Variants in SRSF9 observed in about 807,000 individuals in gnomAD.
The protein encoded by SRSF9 is serine/arginine-rich splicing factor 9.
SRSF9 carries 3 observed loss-of-function variants against 25.9 expected under a neutral mutation model. That is an observed-to-expected ratio of 0.12 (90% confidence interval 0.05 to 0.30). The LOEUF (loss-of-function observed/expected upper bound fraction) is 0.30. Ranked by LOEUF, SRSF9 falls within the 10% of genes least tolerant of loss-of-function variation. The pLI, the probability that SRSF9 is intolerant of heterozygous loss-of-function variation, is 1.00. For missense variants in SRSF9, 161 were observed against 303.5 expected (o/e 0.53, Z 3.49); for synonymous variants, 114 against 113.2 (o/e 1.01, Z -0.05).
intron 1 of SRSF9, 107 bp downstream of exon 1, chr12:120,469,315 C>CGG: frequency 1.6e-6 from 1 of 634,372 alleles, no homozygotes; most frequent in Non-Finnish European, 2.3e-6. Flanking sequence ...TGCGCGGAGG[C>CGG]GGGGGGAGGG....
At chr12:120,464,636 C>T (rs1169577706) in intron 2 of SRSF9, 2 of 152,962 alleles carry the variant, frequency 1.3e-5, no homozygotes, top group Non-Finnish European at 2.9e-5. Context: ...ACAAACTATA[C>T]AGAGTACCTC....
chr12:120,463,826 C>T (rs1449575345), intron 3 of SRSF9, 124 bp downstream of exon 3: 3 of 1,161,752 alleles, frequency 2.6e-6, no homozygotes, highest in Non-Finnish European at 3.6e-6. Flanking sequence ...CTTTGTCCAC[C>T]TAAGATAGAT....
intron 1 of SRSF9, 86 bp downstream of exon 1, chr12:120,469,336 G>A: frequency 1.1e-6 from 1 of 948,854 alleles, no homozygotes; most frequent in Admixed American, 3.1e-5. Context: ...GAGGCCGGGG[G>A]GAGGGGAGCC....
Position 120,462,008 on chromosome 12 carries a change from C to T in SRSF9, c.*11G>A, listed in dbSNP as rs781270406. ...ACCTAAAAAATAAAGAAAAAATTCC[C>T]ATCACCTGTCTCAGTAGGGCCTGAA... On this transcript the variant is annotated 3_prime_UTR_variant, in exon 4 of 4. Coordinates refer to ENST00000229390, the MANE Select transcript of SRSF9 (RefSeq NM_003769.3). The T allele has an allele frequency of 7.5e-6, 12 of 1,594,154 alleles. No homozygotes were observed. In the East Asian group the frequency reaches 1.4e-4, roughly 18 times the overall value.
intron 2 of SRSF9, chr12:120,464,345 A>C (rs185739337): frequency 1.7e-4 from 78 of 456,458 alleles, no homozygotes; most frequent in African/African-American, 1.5e-3. Flanking sequence ...TCCAGAGACC[A>C]GGCCTTTTCA....
intron 3 of SRSF9, 34 bp from the exon 4 acceptor site, chr12:120,462,196 G>A: frequency 5.1e-6 from 8 of 1,569,442 alleles, no homozygotes; most frequent in Non-Finnish European, 5.2e-6. Context: ...AGAGTAAAGG[G>A]GAAAAAAATC....
intron 2 of SRSF9, 59 bp downstream of exon 2, chr12:120,465,568 A>T (rs1280902048): frequency 6.7e-7 from 1 of 1,503,662 alleles, no homozygotes; most frequent in African/African-American, 1.4e-5. Context: ...TTCTTGGAAG[A>T]CAGACTCTGT....
At chr12:120,467,509 CAATA>C (rs941618143) in intron 1 of SRSF9, among the ~76,000 whole-genome samples, 3 of 152,006 alleles carry the variant, frequency 2.0e-5, no homozygotes, top group African/African-American at 7.3e-5. Context: ...TCAATAAATA[CAATA>C]AATAAATAAA....
At chr12:120,467,117 AG>A (rs1878498652) in intron 1 of SRSF9, among the ~76,000 whole-genome samples, 1 of 152,188 alleles carries the variant, frequency 6.6e-6, no homozygotes, top group Non-Finnish European at 1.5e-5. Context: ...TAGAACTAAA[AG>A]CAACAATGAC....
At chr12:120,465,879 G>A in intron 1 of SRSF9, 92 bp from the exon 2 acceptor site, 11 of 1,244,054 alleles carry the variant, frequency 8.8e-6, no homozygotes, top group Non-Finnish European at 1.2e-5. Context: ...TGAGTAGTAA[G>A]CATAAAAGGG....
At chr12:120,468,566 T>C (rs1878542609) in intron 1 of SRSF9, among the ~76,000 whole-genome samples, 1 of 152,174 alleles carries the variant, frequency 6.6e-6, no homozygotes, top group Admixed American at 6.5e-5. Flanking sequence ...TCGGACACCC[T>C]ACGAACATTC....
chr12:120,465,791 A>C lies in SRSF9; in HGVS notation c.189-4T>G, dbSNP rs1326403538. The C allele has an allele frequency of 1.6e-5, 25 of 1,568,132 alleles. No individual in the cohort carries two copies. Among genetic ancestry groups the C allele is most frequent in the Non-Finnish European group, 2.1e-5 (25 of 1,166,042 alleles). ...ATAAATAGCATCCTCTGCATCTCTA[A>C]AAAAAACAACAACAACAAAAAAAAC... is the stretch of plus-strand genomic sequence containing the variant. On this transcript the variant is annotated splice_polypyrimidine_tract_variant and splice_region_variant and intron_variant, in intron 1 of 3. Transcript: ENST00000229390.
intron 2 of SRSF9, 145 bp downstream of exon 2, chr12:120,465,482 T>C: frequency 1.2e-6 from 1 of 859,950 alleles, no homozygotes; most frequent in Non-Finnish European, 1.6e-6. Flanking sequence ...TCATTGGCAA[T>C]CCAGGGCAAG....
intron 3 of SRSF9, 77 bp from the exon 4 acceptor site, chr12:120,462,239 CAAT>C (rs1878366259): frequency 2.0e-6 from 3 of 1,473,110 alleles, no homozygotes; most frequent in East Asian, 2.5e-5. Context: ...CAACATCTAA[CAAT>C]AATAGTTAAG....
intron 2 of SRSF9, 114 bp from the exon 3 acceptor site, chr12:120,464,236 C>A: frequency 8.1e-7 from 1 of 1,242,182 alleles, no homozygotes; most frequent in Non-Finnish European, 1.1e-6. Context: ...CTGAGGGTCC[C>A]CAAATCATAA....
Position 120,464,040 on chromosome 12 carries a change from C to T in SRSF9, c.432G>A (p.Lys144=), listed in dbSNP as rs368340216. The T allele has an allele frequency of 1.2e-6, 2 of 1,614,214 alleles. No individual in the cohort carries two copies. Among genetic ancestry groups the T allele is most frequent in the South Asian group, 2.2e-5 (2 of 91,084 alleles). The change falls in exon 3 of 4, where the codon AAG becomes AAA. Residue 144 remains lysine, a synonymous_variant. Transcript: ENST00000229390. The part of the protein sequence containing the change: ...AGDVCYADVQ[K]DGVGMVEYLR... The stretch of plus-strand genomic sequence containing the variant: ...GATACTCGACCATCCCCACTCCATC[C>T]TTCTGCACATCAGCATAACAGACAT...
chr12:120,462,904 A>G (rs992205243), intron 3 of SRSF9: 2 of 152,244 alleles, frequency 1.3e-5, no homozygotes, highest in Admixed American at 6.5e-5. Context: ...GCTTTGCAGT[A>G]TAACTGAGGA....
rs769474870 is a variant in SRSF9, at chr12:120,469,574, G to A, written c.36C>T (p.Gly12=). The stretch of plus-strand genomic sequence containing the variant: ...GGTTCCCCACGTAGATGCGCCCGTC[G>A]CCCTCGCCGCCGCGCTCGTCCGCCC... ...SGWADERGGE[G]DGRIYVGNLP... is the part of the protein sequence containing the mutation. Residue 12 remains glycine (G), a synonymous_variant, in exon 1 of 4, where the codon GGC becomes GGT. Transcript: ENST00000229390. 13 of 1,554,786 alleles carry A rather than the reference G, an allele frequency of 8.4e-6. No homozygotes were observed. The South Asian group carries it at 1.1e-4, about 13-fold the overall frequency.
intron 2 of SRSF9, 72 bp downstream of exon 2, chr12:120,465,555 C>T: frequency 6.8e-7 from 1 of 1,476,818 alleles, no homozygotes; most frequent in Non-Finnish European, 9.0e-7. Context: ...TAACAGCTAT[C>T]ATTTCTTGGA....
Sources: allele counts gnomAD v4.1 joint callset (sites outside exome capture counted in the v4.1 genomes callset), GRCh38; gene constraint gnomAD v4.1.1; transcripts MANE v1.5; gene names NCBI Gene and HGNC (gene_info 2026-07-23, HGNC 2026-07-21).